RORA: variants seen among roughly 807,000 people sequenced by gnomAD.
The protein encoded by RORA is RAR related orphan receptor A.
A neutral mutation model predicts 69.5 loss-of-function variants in RORA; 7 were observed. The observed-to-expected ratio is 0.10, with a 90% CI of 0.06 to 0.19. The LOEUF (loss-of-function observed/expected upper bound fraction) is 0.19. Ranked by LOEUF, RORA falls within the 10% of genes least tolerant of loss-of-function variation. RORA has a pLI of 1.00. For synonymous variants in RORA, 261 were observed against 240.8 expected (o/e 1.08, Z -0.78); for missense variants, 457 against 663.0 (o/e 0.69, Z 3.41).
chr15:61,081,698 C>G (rs904613183), intron 1 of RORA, among the ~76,000 whole-genome samples: 1 of 151,646 alleles, frequency 6.6e-6, no homozygotes, highest in African/African-American at 2.4e-5. Context: ...GTCCCAGCTA[C>G]TGGGGAGAGT....
intron 1 of RORA, among the ~76,000 whole-genome samples, chr15:61,126,795 G>A (rs901214365): frequency 1.3e-5 from 2 of 152,124 alleles, no homozygotes; most frequent in Non-Finnish European, 1.5e-5. Context: ...ATGAGCCTGC[G>A]ATCAGCCCAC....
intron 1 of RORA, among the ~76,000 whole-genome samples, chr15:60,935,199 A>T (rs1490208836): frequency 6.6e-6 from 1 of 152,218 alleles, no homozygotes; most frequent in African/African-American, 2.4e-5. Context: ...TGGCTTGCCA[A>T]CCAGTCATTT....
chr15:60,834,010 T>C (rs2073082479), intron 1 of RORA, among the ~76,000 whole-genome samples: 1 of 152,242 alleles, frequency 6.6e-6, no homozygotes, highest in East Asian at 1.9e-4. Context: ...GAAGCTATCC[T>C]TTCTCTAATG....
intron 1 of RORA, among the ~76,000 whole-genome samples, chr15:60,929,234 G>A (rs1263550064): frequency 6.6e-6 from 1 of 152,130 alleles, no homozygotes; most frequent in African/African-American, 2.4e-5. Context: ...ACAGTCTGGT[G>A]CAACATGTTA....
chr15:60,593,670 A>C (rs879287884), intron 2 of RORA, among the ~76,000 whole-genome samples: 6 of 152,338 alleles, frequency 3.9e-5, no homozygotes, highest in African/African-American at 1.4e-4. Flanking sequence ...AACAGAAAAA[A>C]ATTCTGAAAA....
intron 1 of RORA, among the ~76,000 whole-genome samples, chr15:61,119,389 GTATATA>G (rs10553428): frequency 9.5e-5 from 14 of 147,628 alleles, no homozygotes; most frequent in Admixed American, 1.4e-4. Flanking sequence ...TTTTGTATAT[GTATATA>G]TATATATATA....
At chr15:60,888,309 C>A (rs866720627) in intron 1 of RORA, among the ~76,000 whole-genome samples, 3 of 152,244 alleles carry the variant, frequency 2.0e-5, no homozygotes, top group African/African-American at 4.8e-5. Flanking sequence ...CTGGCCTGAC[C>A]TGAAGCAAGG....
At chr15:60,749,968 T>C (rs1372570806) in intron 1 of RORA, among the ~76,000 whole-genome samples, 2 of 152,192 alleles carry the variant, frequency 1.3e-5, no homozygotes, top group Non-Finnish European at 2.9e-5. Flanking sequence ...ATGTCGAGGC[T>C]GCGGTGAGCC....
chr15:60,613,500 A>G (rs961648244), intron 2 of RORA, among the ~76,000 whole-genome samples: 28 of 152,082 alleles, frequency 1.8e-4, no homozygotes, highest in African/African-American at 6.3e-4. Flanking sequence ...TGATTTCCTC[A>G]CCTGTGAGGG....
chr15:60,645,687 C>A (rs2070028346), intron 2 of RORA, among the ~76,000 whole-genome samples: 1 of 152,096 alleles, frequency 6.6e-6, no homozygotes, highest in Non-Finnish European at 1.5e-5. Flanking sequence ...GCCAAGGTGA[C>A]CAATTTCCTT....
At chr15:60,609,825 T>C (rs1596053398) in intron 2 of RORA, among the ~76,000 whole-genome samples, 3 of 152,130 alleles carry the variant, frequency 2.0e-5, no homozygotes, top group Admixed American at 6.5e-5. Flanking sequence ...TGGCCTCTTC[T>C]TCAGAAGGCT....
At chr15:61,000,073 A>T (rs1357258957) in intron 1 of RORA, among the ~76,000 whole-genome samples, 5 of 151,890 alleles carry the variant, frequency 3.3e-5, no homozygotes, top group African/African-American at 1.2e-4. Flanking sequence ...TTTTTTTTTT[A>T]AGTGTTAACA....
At chr15:60,951,160 G>A (rs2140334009) in intron 1 of RORA, among the ~76,000 whole-genome samples, 1 of 152,240 alleles carries the variant, frequency 6.6e-6, no homozygotes, top group East Asian at 1.9e-4. Flanking sequence ...CAACTACATG[G>A]AAACTGAACA....
chr15:60,572,524 CTT>C (rs2067913033), intron 2 of RORA, among the ~76,000 whole-genome samples: 1 of 151,818 alleles, frequency 6.6e-6, no homozygotes, highest in African/African-American at 2.4e-5. Flanking sequence ...AAAAGAGGGG[CTT>C]TTTAGTCATA....
chr15:60,938,104 T>A (rs932420416), intron 1 of RORA, among the ~76,000 whole-genome samples: 1 of 152,152 alleles, frequency 6.6e-6, no homozygotes, highest in Non-Finnish European at 1.5e-5. Context: ...CACAAGCTAA[T>A]GTTGCCCTAA....
At chr15:60,638,392 T>C (rs2069878891) in intron 2 of RORA, among the ~76,000 whole-genome samples, 1 of 151,536 alleles carries the variant, frequency 6.6e-6, no homozygotes, top group African/African-American at 2.4e-5. Flanking sequence ...TTTTCTTTTT[T>C]TTTTTTTTTT....
intron 1 of RORA, among the ~76,000 whole-genome samples, chr15:61,114,574 T>A (rs990891952): frequency 2.0e-5 from 3 of 152,248 alleles, no homozygotes; most frequent in Non-Finnish European, 4.4e-5. Flanking sequence ...AAGAACTTAC[T>A]GTCCCTTTTC....
intron 1 of RORA, among the ~76,000 whole-genome samples, chr15:60,820,120 A>G (rs1224975244): frequency 1.3e-5 from 2 of 152,254 alleles, no homozygotes; most frequent in African/African-American, 2.4e-5. Context: ...TTGGGAAACT[A>G]GTCGATTGGG....
chr15:60,619,890 A>C (rs1455950190), intron 2 of RORA, among the ~76,000 whole-genome samples: 1 of 152,218 alleles, frequency 6.6e-6, no homozygotes, highest in African/African-American at 2.4e-5. Context: ...TGCAGGCCTC[A>C]ATGGACAGAC....
Sources: allele counts gnomAD v4.1 joint callset (sites outside exome capture counted in the v4.1 genomes callset), GRCh38; gene constraint gnomAD v4.1.1; transcripts MANE v1.5; gene names NCBI Gene and HGNC (gene_info 2026-07-23, HGNC 2026-07-21).